PDE8B: variants seen among roughly 807,000 people sequenced by gnomAD.
PDE8B encodes phosphodiesterase 8B, also known as high affinity cAMP-specific and IBMX-insensitive 3',5'-cyclic phosphodiesterase 8B.
A neutral mutation model predicts 101.3 loss-of-function variants in PDE8B; 26 were observed. That is an observed-to-expected ratio of 0.26 (90% CI 0.19 to 0.36). PDE8B has a LOEUF of 0.36. Ranked by LOEUF, PDE8B falls within the 10% of genes least tolerant of loss-of-function variation. PDE8B has a pLI of 1.00. For missense variants in PDE8B, 810 were observed against 1,163.1 expected, an observed-to-expected ratio of 0.70 and a Z score of 4.42; for synonymous variants, 424 against 429.3, an observed-to-expected ratio of 0.99 and a Z score of 0.15.
chr5:77,290,186 GT>G (rs1766955632), intron 1 of PDE8B: 1 of 1,502,936 alleles, frequency 6.7e-7, no homozygotes, highest in East Asian at 2.5e-5. Flanking sequence ...AACCATTGAT[GT>G]GGCGCCTGCC....
At chr5:77,340,845 T>G (rs1007665973) in intron 6 of PDE8B, among the ~76,000 whole-genome samples, 3 of 152,154 alleles carry the variant, frequency 2.0e-5, no homozygotes, top group African/African-American at 7.2e-5. Flanking sequence ...CTATATTATT[T>G]ATAGACTTTA....
chr5:77,233,654 CTGTG>C (rs72346580), intron 1 of PDE8B, among the ~76,000 whole-genome samples: 9,061 of 138,154 alleles, frequency 0.066, 282 homozygotes, highest in South Asian at 0.099. Flanking sequence ...CCCTGAAGCT[CTGTG>C]TGTGTGTGTG....
At chr5:77,195,361 T>C in the PDE8B span, among the ~76,000 whole-genome samples, 4 of 152,368 alleles carry the variant, frequency 2.6e-5, no homozygotes, top group East Asian at 1.9e-4. Flanking sequence ...CACATGAATT[T>C]TGGGGGGATG....
the PDE8B span, among the ~76,000 whole-genome samples, chr5:77,125,343 A>C: frequency 8.6e-3 from 1,306 of 152,172 alleles, 9 homozygotes; most frequent in South Asian, 0.02. Context: ...AGAAATTGGA[A>C]CTCTTGTGCA....
At chr5:77,100,845 A>G in the PDE8B span, among the ~76,000 whole-genome samples, 1 of 152,110 alleles carries the variant, frequency 6.6e-6, no homozygotes, top group Non-Finnish European at 1.5e-5. Flanking sequence ...AGAAGTGTTT[A>G]CAAACTTTTT....
chr5:77,320,315 G>A (rs1025324061), intron 2 of PDE8B, among the ~76,000 whole-genome samples: 2 of 152,190 alleles, frequency 1.3e-5, no homozygotes, highest in Non-Finnish European at 2.9e-5. Flanking sequence ...GAGGATTGCC[G>A]ATAGCTATGT....
chr5:77,425,921 C>T, intron 21 of PDE8B, 25 bp downstream of exon 21: 1 of 1,607,094 alleles, frequency 6.2e-7, no homozygotes, highest in Non-Finnish European at 8.5e-7. Context: ...GTTTTGTCAC[C>T]CAAAGAAAAT....
intron 2 of PDE8B, among the ~76,000 whole-genome samples, chr5:77,314,230 A>G (rs1467702172): frequency 6.6e-6 from 1 of 152,072 alleles, no homozygotes; most frequent in East Asian, 1.9e-4. Flanking sequence ...TCTCAGTTCT[A>G]TTCCATTGAT....
chr5:77,238,553 G>A (rs1165389244), intron 1 of PDE8B, among the ~76,000 whole-genome samples: 1 of 152,108 alleles, frequency 6.6e-6, no homozygotes, highest in Non-Finnish European at 1.5e-5. Context: ...TGTCATTTTT[G>A]TGTTGACATC....
chr5:77,395,235 G>A (rs1225539983), intron 10 of PDE8B, among the ~76,000 whole-genome samples: 1 of 151,092 alleles, frequency 6.6e-6, no homozygotes, highest in Non-Finnish European at 1.5e-5. Flanking sequence ...TCCTGCCTCA[G>A]CCTCCCAAGT....
upstream of PDE8B, chr5:77,210,458 G>T: frequency 4.6e-6 from 1 of 215,936 alleles, no homozygotes; most frequent in South Asian, 1.5e-4. The surrounding 1 kb of genome is among the most constrained non-coding windows in gnomAD (Gnocchi z 4.9). Context: ...GAGCGAGGGA[G>T]GGAGGGGACG....
chr5:77,097,480 G>A, the PDE8B span, among the ~76,000 whole-genome samples: 3 of 151,022 alleles, frequency 2.0e-5, no homozygotes, highest in Non-Finnish European at 2.9e-5. Context: ...GAAGTTTTGT[G>A]GTAATAGGAA....
At chr5:77,367,889 A>G (rs934170455) in intron 10 of PDE8B, among the ~76,000 whole-genome samples, 1 of 152,186 alleles carries the variant, frequency 6.6e-6, no homozygotes, top group African/African-American at 2.4e-5. Flanking sequence ...TGGGTGAGTC[A>G]TCTGCACTTG....
intron 20 of PDE8B, among the ~76,000 whole-genome samples, chr5:77,422,805 A>G (rs1796955012): frequency 6.6e-6 from 1 of 152,160 alleles, no homozygotes; most frequent in Non-Finnish European, 1.5e-5. Context: ...GAGGCAGGAT[A>G]AATAAGGGCA....
chr5:77,397,023 GA>G (rs1327491444), intron 10 of PDE8B, among the ~76,000 whole-genome samples: 5 of 100,522 alleles, frequency 5.0e-5, no homozygotes, highest in Non-Finnish European at 5.6e-5. Context: ...TTTCCGATAA[GA>G]AATTTTTTTT....
chr5:77,121,621 CCT>C, the PDE8B span, among the ~76,000 whole-genome samples: 1 of 151,882 alleles, frequency 6.6e-6, no homozygotes, highest in Non-Finnish European at 1.5e-5. Flanking sequence ...AATTCTTCTG[CCT>C]CAGCCTCCCG....
At chr5:77,295,669 A>G (rs1310447736) in intron 1 of PDE8B, among the ~76,000 whole-genome samples, 1 of 152,222 alleles carries the variant, frequency 6.6e-6, no homozygotes, top group Non-Finnish European at 1.5e-5. Flanking sequence ...ATTTGTTTCC[A>G]TTGAGATTCT....
chr5:77,088,145 G>A, the PDE8B span: 3 of 152,238 alleles, frequency 2.0e-5, no homozygotes, highest in African/African-American at 7.2e-5. Flanking sequence ...TGTGGCTCGT[G>A]TGTTCGGTCT....
chr5:77,250,996 G>T (rs1361644289), intron 1 of PDE8B, among the ~76,000 whole-genome samples: 1 of 152,170 alleles, frequency 6.6e-6, no homozygotes, highest in Non-Finnish European at 1.5e-5. Flanking sequence ...CCACATTATA[G>T]GTTCTTAAAG....
Sources: gnomAD v4.1 joint callset for allele counts (sites outside exome capture counted in the v4.1 genomes callset) on GRCh38, gnomAD v4.1.1 for gene constraint, Gnocchi (gnomAD v3.1) non-coding constraint, MANE v1.5 for transcripts, NCBI Gene and HGNC (gene_info 2026-07-23, HGNC 2026-07-21) for gene names.